Variants in SNTG1 observed in about 807,000 individuals in gnomAD.
SNTG1 encodes the protein syntrophin gamma 1, also known as gamma-1-syntrophin.
Under a neutral mutation model 74.7 loss-of-function variants are expected in SNTG1, and 39 were observed. The observed-to-expected ratio is 0.52, with a 90% confidence interval of 0.40 to 0.68. The LOEUF (loss-of-function observed/expected upper bound fraction) is 0.68. Among genes scored for constraint, SNTG1 ranks in the 30% least tolerant of loss-of-function variants. The pLI, the probability that SNTG1 is intolerant of heterozygous loss-of-function variation, is 0.00. For missense variants in SNTG1, 685 were observed against 609.5 expected (o/e 1.12, Z -1.30); for synonymous variants, 254 against 217.1 (o/e 1.17, Z -1.49).
chr8:49,945,232 TA>T (rs1809068331), intron 1 of SNTG1, among the ~76,000 whole-genome samples: 1 of 152,182 alleles, frequency 6.6e-6, no homozygotes, highest in Non-Finnish European at 1.5e-5. Flanking sequence ...GGAAGTCTGG[TA>T]GGTTAACTTC....
intron 2 of SNTG1, among the ~76,000 whole-genome samples, chr8:50,387,747 G>A (rs2092597631): frequency 1.3e-5 from 2 of 152,136 alleles, no homozygotes; most frequent in South Asian, 4.1e-4. Flanking sequence ...CGTTTAATGG[G>A]TTAAACTTTG....
At chr8:50,534,647 G>C (rs2094294613) in intron 10 of SNTG1, among the ~76,000 whole-genome samples, 1 of 152,100 alleles carries the variant, frequency 6.6e-6, no homozygotes, top group Non-Finnish European at 1.5e-5. Flanking sequence ...CAGGCCTGGT[G>C]GTGGGCACCT....
At chr8:50,270,572 G>A (rs565790119) in intron 2 of SNTG1, among the ~76,000 whole-genome samples, 4 of 149,704 alleles carry the variant, frequency 2.7e-5, no homozygotes, top group Admixed American at 2.7e-4. Context: ...GGCCTTTGAA[G>A]GAACTAGGTT....
chr8:50,782,391 G>T (rs1385217587), intron 18 of SNTG1, among the ~76,000 whole-genome samples: 1 of 152,206 alleles, frequency 6.6e-6, no homozygotes. Flanking sequence ...CTTCTTGGAA[G>T]CTTTGTTAGT....
At chr8:50,700,348 A>G (rs2095419251) in intron 15 of SNTG1, among the ~76,000 whole-genome samples, 2 of 152,196 alleles carry the variant, frequency 1.3e-5, no homozygotes, top group South Asian at 2.1e-4. Context: ...ACTCTAGTAA[A>G]AGAAATCTAG....
chr8:50,266,858 A>C (rs557057852), intron 2 of SNTG1, among the ~76,000 whole-genome samples: 1 of 152,150 alleles, frequency 6.6e-6, no homozygotes, highest in Non-Finnish European at 1.5e-5. Flanking sequence ...CACTTTAAGC[A>C]TCAGTGACTG....
At position 50,062,299 on chromosome 8, in the gene SNTG1, G is replaced by A. The variant is rs561438015; in HGVS notation, c.-102-110262G>A. 5.3e-5 allele frequency among the ~76,000 whole-genome samples: 8 copies of A among 152,114 alleles called. 1 individual carries two copies. In the South Asian group the frequency reaches 1.2e-3, roughly 24 times the overall value. On this transcript the variant is annotated intron_variant, in intron 1 of 18. Coordinates refer to ENST00000642720, the MANE Select transcript of SNTG1 (RefSeq NM_018967.5). ...TGACCTCAGGTGATATGCCTGCCTC[G>A]GCCTCCCAAAGTGCTGGGATTACAA...
chr8:50,334,505 TAAA>T (rs34886446), intron 2 of SNTG1, among the ~76,000 whole-genome samples: 2 of 137,204 alleles, frequency 1.5e-5, no homozygotes, highest in Admixed American at 7.4e-5. Flanking sequence ...ATATCTCTGC[TAAA>T]AAAAAAAAAA....
At chr8:50,687,433 A>T (rs1238758784) in intron 15 of SNTG1, among the ~76,000 whole-genome samples, 1 of 152,236 alleles carries the variant, frequency 6.6e-6, no homozygotes, top group Non-Finnish European at 1.5e-5. Flanking sequence ...ACATGGAAGA[A>T]ATCGAAAAAG....
intron 17 of SNTG1, among the ~76,000 whole-genome samples, chr8:50,712,539 C>T (rs909182455): frequency 6.6e-6 from 1 of 152,046 alleles, no homozygotes; most frequent in Non-Finnish European, 1.5e-5. Flanking sequence ...GCAAAACATG[C>T]ATGTTTGTTA....
At chr8:50,068,304 G>T (rs543131935) in intron 1 of SNTG1, among the ~76,000 whole-genome samples, 2 of 152,266 alleles carry the variant, frequency 1.3e-5, no homozygotes, top group African/African-American at 2.4e-5. Flanking sequence ...TTACCCGTGC[G>T]TGGTATCCTT....
chr8:50,517,201 C>G (rs544075608), intron 9 of SNTG1, among the ~76,000 whole-genome samples: 175 of 152,216 alleles, frequency 1.1e-3, no homozygotes, highest in African/African-American at 4.1e-3. Flanking sequence ...AACTAAGCTC[C>G]ATAAGCGAAG....
intron 5 of SNTG1, among the ~76,000 whole-genome samples, chr8:50,443,983 A>G (rs887838444): frequency 3.9e-5 from 6 of 152,062 alleles, no homozygotes; most frequent in Non-Finnish European, 8.8e-5. Context: ...AAAATAAAAA[A>G]AAAAATTATC....
intron 1 of SNTG1, among the ~76,000 whole-genome samples, chr8:50,082,651 G>C (rs1303978214): frequency 6.6e-6 from 1 of 152,112 alleles, no homozygotes; most frequent in Non-Finnish European, 1.5e-5. Flanking sequence ...GAATGTCCTG[G>C]AGAAAGTTTT....
At chr8:50,707,897 A>G (rs553580952) in intron 16 of SNTG1, 150 of 393,046 alleles carry the variant, frequency 3.8e-4, no homozygotes, top group Non-Finnish European at 6.1e-4. Flanking sequence ...ATATTTCAGT[A>G]TCCGTATTTA....
intron 13 of SNTG1, among the ~76,000 whole-genome samples, chr8:50,600,351 A>G (rs2094763543): frequency 1.3e-5 from 2 of 151,808 alleles, no homozygotes; most frequent in Non-Finnish European, 2.9e-5. Flanking sequence ...CATTTTTTGG[A>G]AGAGTTTAAG....
At chr8:50,608,456 T>C (rs572571544) in intron 13 of SNTG1, among the ~76,000 whole-genome samples, 1 of 151,956 alleles carries the variant, frequency 6.6e-6, no homozygotes, top group African/African-American at 2.4e-5. Context: ...AATGTCGTTC[T>C]TTTTCTGTAT....
At chr8:50,074,920 G>A (rs929741224) in intron 1 of SNTG1, among the ~76,000 whole-genome samples, 14 of 152,170 alleles carry the variant, frequency 9.2e-5, no homozygotes, top group South Asian at 2.1e-4. Flanking sequence ...ACGCGAGTTC[G>A]GGGTGGGCAT....
intron 4 of SNTG1, among the ~76,000 whole-genome samples, chr8:50,437,380 G>T (rs1298531726): frequency 6.6e-6 from 1 of 152,026 alleles, no homozygotes; most frequent in East Asian, 1.9e-4. Context: ...CAAACTTTTG[G>T]CTAAACAAGG....
Sources: allele counts gnomAD v4.1 joint callset (sites outside exome capture counted in the v4.1 genomes callset), GRCh38; gene constraint gnomAD v4.1.1; transcripts MANE v1.5; gene names NCBI Gene and HGNC (gene_info 2026-07-23, HGNC 2026-07-21).